The following NEIL2 variants were observed in gnomAD, a reference collection of about 807,000 sequenced individuals.
NEIL2 encodes endonuclease 8-like 2.
NEIL2 carries 23 observed loss-of-function variants against 22.2 expected under a neutral mutation model. The observed-to-expected ratio is 1.04, with a 90% CI of 0.75 to 1.47. The LOEUF (loss-of-function observed/expected upper bound fraction) is 1.47. Among genes scored for constraint, NEIL2 ranks in the 40% most tolerant of loss-of-function variants. NEIL2 has a pLI of 0.00. For synonymous variants in NEIL2, 229 were observed against 164.8 expected (o/e 1.39, Z -2.99); for missense variants, 583 against 404.7 (o/e 1.44, Z -3.78).
At chr8:11,781,839 C>T (rs1404021156) in intron 3 of NEIL2, among the ~76,000 whole-genome samples, 1 of 152,064 alleles carries the variant, frequency 6.6e-6, no homozygotes, top group Non-Finnish European at 1.5e-5. Context: ...ACAGGAGGAT[C>T]ACTTGAGCCC....
rs113115434 is a variant in NEIL2, at chr8:11,776,405, C to A, written c.139-3193C>A. On this transcript the variant is annotated intron_variant, in intron 2 of 4. Transcript: ENST00000284503. ...GATTTGGGTGGAGACACAGCCAAACCATATCACACATTTTATGGTCAGTGA... is the reference window on the plus strand; with the variant it reads ...GATTTGGGTGGAGACACAGCCAAACAATATCACACATTTTATGGTCAGTGA... Among the ~76,000 whole-genome samples the A allele has an allele frequency of 6.6e-3, 1,005 of 152,332 alleles. 9 individuals are homozygous for A. Among genetic ancestry groups the A allele is most frequent in the Middle Eastern group, 0.02 (6 of 294 alleles).
Position 11,786,305 on chromosome 8 carries a change from CG to C in NEIL2, c.*33del, listed in dbSNP as rs200148642. ...GGTGGTGCTCCTCACGGAACCTTGC[CG>C]CTTGGGGAACCTGACGTCTAAGTGT... is the stretch of plus-strand genomic sequence containing the variant. On this transcript the variant is annotated 3_prime_UTR_variant, in exon 5 of 5. Transcript: ENST00000284503. 63 of 1,586,506 alleles carry C rather than the reference CG, an allele frequency of 4.0e-5. No homozygotes were observed. The Admixed American group carries it at 4.9e-4, about 12-fold the overall frequency.
intron 2 of NEIL2, among the ~76,000 whole-genome samples, chr8:11,774,781 G>A (rs1177826027): frequency 1.3e-5 from 2 of 152,206 alleles, no homozygotes; most frequent in African/African-American, 4.8e-5. Flanking sequence ...AAAACGAAGG[G>A]GCTACAGGCC....
chr8:11,785,938 C>T (rs776850199), intron 4 of NEIL2, 25 bp from the exon 5 acceptor site: 2 of 1,610,514 alleles, frequency 1.2e-6, no homozygotes, highest in Non-Finnish European at 1.7e-6. Flanking sequence ...TTGTCCTTCC[C>T]TTACCTTCCC....
At chr8:11,781,865 G>T (rs906320594) in intron 3 of NEIL2, among the ~76,000 whole-genome samples, 1 of 151,944 alleles carries the variant, frequency 6.6e-6, no homozygotes, top group Non-Finnish European at 1.5e-5. Flanking sequence ...TAAGAGACTA[G>T]CCTGGGCAAC....
chr8:11,779,703 G>A lies in NEIL2; in HGVS notation c.244G>A (p.Gly82Arg). The part of the protein sequence containing the change: ...EPPQKEVQKE[G>R]AADPKQVGEP... ...TCCACAAAAAGAAGTGCAGAAGGAAGGGGCTGCGGACCCAAAGCAGGTCGG... is the reference window on the plus strand; with the variant it reads ...TCCACAAAAAGAAGTGCAGAAGGAAAGGGCTGCGGACCCAAAGCAGGTCGG... Residue 82 changes from glycine to arginine, a missense_variant, in exon 3 of 5, where the codon GGG (glycine) becomes AGG (arginine). Coordinates refer to ENST00000284503, the MANE Select transcript of NEIL2 (RefSeq NM_145043.4). 6.2e-7 allele frequency: 1 copy of A among 1,614,142 alleles called. No individual in the cohort carries two copies. The highest frequency in any genetic ancestry group is 8.5e-7 in the Non-Finnish European group (1 of 1,180,006).
chr8:11,783,384 T>G lies in NEIL2; in HGVS notation c.673T>G (p.Tyr225Asp). The part of the protein sequence containing the change: ...PVCYTLLDQR[Y>D]FSGLGNIIKN... ...CTGCTATACACTGCTGGACCAGAGA[T>G]ACTTCTCAGGGCTAGGTATGACTCA... The change falls in exon 4 of 5, where the codon TAC becomes GAC. Residue 225 changes from tyrosine to aspartate, a missense_variant. Tyr to Asp is a radical substitution (Grantham distance 160). Coordinates refer to ENST00000284503, the MANE Select transcript of NEIL2 (RefSeq NM_145043.4). 6.2e-7 allele frequency: 1 copy of G among 1,613,982 alleles called. No homozygotes were observed. Among genetic ancestry groups the G allele is most frequent in the Non-Finnish European group, 8.5e-7 (1 of 1,179,844 alleles).
intron 2 of NEIL2, among the ~76,000 whole-genome samples, chr8:11,776,252 C>A (rs772199905): frequency 6.6e-6 from 1 of 152,194 alleles, no homozygotes; most frequent in Non-Finnish European, 1.5e-5. Context: ...TTTATAAAAC[C>A]ATCAGATCTT....
chr8:11,782,387 T>C (rs8191631), intron 3 of NEIL2, among the ~76,000 whole-genome samples: 14,070 of 152,190 alleles, frequency 0.092, 761 homozygotes, highest in East Asian at 0.26. Context: ...ATAGTGCCAC[T>C]GCACTCCCGC....
rs1585727621 is a variant in NEIL2 at position 11,770,139 on chromosome 8, C to A, written c.-199C>A. 1 of 152,232 alleles carries A rather than the reference C, an allele frequency of 6.6e-6. No individual in the cohort carries two copies. The highest frequency in any genetic ancestry group is 2.4e-5 in the African/African-American group (1 of 41,450). 9.4% of individuals were successfully genotyped at this position (152,232 alleles called of 1,614,324 possible). ...AGGGTGGGCGCGGCATCTTCAGCGA[C>A]TCTTCGAAGTCCCTTCCGCGTCTCA... On this transcript the variant is annotated 5_prime_UTR_variant, in exon 1 of 5. Transcript: ENST00000284503.
rs965049146 is a variant in NEIL2 at position 11,770,183 on chromosome 8, G to A, written c.-155G>A. ...CGTCTCATCTTTCAAGGCTGTTGCAGAGGCGGCTTGCTTCCCACCTGTCCA... is the reference window on the plus strand; with the variant it reads ...CGTCTCATCTTTCAAGGCTGTTGCAAAGGCGGCTTGCTTCCCACCTGTCCA... On this transcript the variant is annotated 5_prime_UTR_variant, in exon 1 of 5. Coordinates refer to ENST00000284503, the MANE Select transcript of NEIL2 (RefSeq NM_145043.4). The A allele has an allele frequency of 2.6e-5, 4 of 152,208 alleles. No homozygotes were observed. Among genetic ancestry groups the A allele is most frequent in the African/African-American group, 9.6e-5 (4 of 41,464 alleles). The allele number at this position is 152,208 out of a possible 1,614,324, so 9.4% of individuals were successfully genotyped here.
At chr8:11,772,423 C>G (rs1039541950) in intron 2 of NEIL2, among the ~76,000 whole-genome samples, 1 of 152,180 alleles carries the variant, frequency 6.6e-6, no homozygotes, top group Non-Finnish European at 1.5e-5. Flanking sequence ...GCACTTCTTC[C>G]TTTTTCTCCC....
intron 2 of NEIL2, among the ~76,000 whole-genome samples, chr8:11,773,302 C>A (rs1272954717): frequency 6.6e-6 from 1 of 152,090 alleles, no homozygotes; most frequent in Admixed American, 6.6e-5. Flanking sequence ...TCCCAGTAAA[C>A]CAAGCAGAAA....
Position 11,783,331 on chromosome 8 carries a change from T to C in NEIL2, c.620T>C (p.Leu207Ser). Reference protein sequence around the residue: ...LSEKFHRGQALEALGQAQPVC... With the variant: ...LSEKFHRGQASEALGQAQPVC... ...GAGAAGTTCCATCGAGGACAAGCCT[T>C]AGAAGCTCTAGGCCAGGCTCAGCCT... Residue 207 changes from leucine (L) to serine (S), a missense_variant, in exon 4 of 5, where the codon TTA becomes TCA. Leu to Ser is a moderately radical substitution (Grantham distance 145). Transcript: ENST00000284503. 6.2e-7 allele frequency: 1 copy of C among 1,614,194 alleles called. No homozygotes were observed. Among genetic ancestry groups the C allele is most frequent in the Non-Finnish European group, 8.5e-7 (1 of 1,180,010 alleles).
At chr8:11,774,241 G>A (rs1211678689) in intron 2 of NEIL2, among the ~76,000 whole-genome samples, 2 of 152,150 alleles carry the variant, frequency 1.3e-5, no homozygotes, top group African/African-American at 4.8e-5. Context: ...TGGGCATGGT[G>A]GTGGGCGCCT....
At chr8:11,784,264 G>A (rs540967170) in intron 4 of NEIL2, among the ~76,000 whole-genome samples, 3 of 152,290 alleles carry the variant, frequency 2.0e-5, no homozygotes, top group Admixed American at 6.5e-5. Context: ...AAGAGCCGTC[G>A]GAAGTGGCTT....
intron 4 of NEIL2, among the ~76,000 whole-genome samples, chr8:11,784,315 T>A (rs8191652): frequency 0.037 from 5,677 of 152,316 alleles, 265 homozygotes; most frequent in East Asian, 0.26. Context: ...ACAGTAGTAA[T>A]TAATAACGGC....
At chr8:11,785,714 C>A (rs1029572490) in intron 4 of NEIL2, among the ~76,000 whole-genome samples, 2 of 152,108 alleles carry the variant, frequency 1.3e-5, no homozygotes, top group Admixed American at 6.5e-5. Flanking sequence ...GTCAGATGCC[C>A]GATCCGTTTT....
At position 11,774,156 on chromosome 8, in the gene NEIL2, G is replaced by A. The variant is rs185340952; in HGVS notation, c.138+2571G>A. ...TTTGGGAGGCAGAGGTGGGCAGGTCGCCTGAGGTCAGGAGTTTGAGACCAG... is the reference window on the plus strand; with the variant it reads ...TTTGGGAGGCAGAGGTGGGCAGGTCACCTGAGGTCAGGAGTTTGAGACCAG... On this transcript the variant is annotated intron_variant, in intron 2 of 4. Coordinates refer to ENST00000284503, the MANE Select transcript of NEIL2 (RefSeq NM_145043.4). 1.4e-3 allele frequency among the ~76,000 whole-genome samples: 214 copies of A among 152,202 alleles called. 1 individual carries two copies. Among genetic ancestry groups the A allele is most frequent in the Middle Eastern group, 0.01 (3 of 294 alleles).
Sources: gnomAD v4.1 joint callset for allele counts (sites outside exome capture counted in the v4.1 genomes callset) on GRCh38, gnomAD v4.1.1 for gene constraint, MANE v1.5 for transcripts, NCBI Gene and HGNC (gene_info 2026-07-23, HGNC 2026-07-21) for gene names.